Variants in PCDH1 observed in about 807,000 individuals in gnomAD.
PCDH1 encodes protocadherin-1.
In PCDH1, 23 loss-of-function variants were observed where a neutral mutation model predicts 74.6. That is an observed-to-expected ratio of 0.31 (90% CI 0.22 to 0.44). PCDH1 has a LOEUF of 0.44. Ranked by LOEUF, PCDH1 falls within the 20% of genes least tolerant of loss-of-function variation. The pLI, the probability that PCDH1 is intolerant of heterozygous loss-of-function variation, is 1.00. For synonymous variants in PCDH1, 647 were observed against 686.1 expected (o/e 0.94, Z 0.89); for missense variants, 1,214 against 1,641.4 (o/e 0.74, Z 4.50).
chr5:141,863,371 G>A lies in PCDH1; in HGVS notation c.2960C>T (p.Ala987Val). The change falls in exon 3 of 5, where the codon GCC becomes GTC. Residue 987 changes from alanine (A) to valine (V), a missense_variant. This residue lies in a region of PCDH1 where 836 missense variants were observed against 1,182.2 expected (regional missense o/e 0.71). Coordinates refer to ENST00000287008, the MANE Select transcript of PCDH1 (RefSeq NM_032420.5). This position sits in a 1 kb window ranked among gnomAD's most constrained non-coding sequence, Gnocchi z 7.5. ...CTGTACCACCTGGTGCTTCTTGGAG[G>A]CTGAGGGTGACTGGGGCTGCAGCTG... is the stretch of plus-strand genomic sequence containing the variant. Reference protein sequence around the residue: ...SIQLQPQSPSASKKHQVVQDL... With the variant: ...SIQLQPQSPSVSKKHQVVQDL... 6.4e-7 allele frequency: 1 copy of A among 1,550,840 alleles called. No individual in the cohort carries two copies. The highest frequency in any genetic ancestry group is 1.2e-5 in the South Asian group (1 of 80,226).
intron 1 of PCDH1, among the ~76,000 whole-genome samples, chr5:141,877,958 C>G (rs896545323): frequency 6.6e-6 from 1 of 152,214 alleles, no homozygotes; most frequent in East Asian, 1.9e-4. Context: ...TCCGAGCGCG[C>G]CCAGGTTTGG....
At chr5:141,858,318 C>T (rs530768072) in intron 3 of PCDH1, among the ~76,000 whole-genome samples, 1 of 152,306 alleles carries the variant, frequency 6.6e-6, no homozygotes, top group African/African-American at 2.4e-5. Flanking sequence ...ACTCCCCAGT[C>T]CTCCCGATCA....
Position 141,868,716 on chromosome 5 carries a change from C to A in PCDH1, c.756G>T (p.Val252=). 6.2e-7 allele frequency: 1 copy of A among 1,614,112 alleles called. No homozygotes were observed. The highest frequency in any genetic ancestry group is 1.1e-5 in the South Asian group (1 of 91,084). Residue 252 remains valine, a synonymous_variant, in exon 2 of 5, where the codon GTG becomes GTT. Transcript: ENST00000287008. The surrounding 1 kb of genome is among the most constrained non-coding windows in gnomAD (Gnocchi z 4.8). The part of the protein sequence containing the change: ...RWDSYDLTIK[V]QDGGSPPRAS... The stretch of plus-strand genomic sequence containing the variant: ...CGCGTGGGGGGCTGCCGCCATCCTG[C>A]ACCTTGATGGTGAGGTCATAGGAGT...
chr5:141,861,115 CAAAAAAAAA>C (rs59007688), intron 3 of PCDH1, among the ~76,000 whole-genome samples: 2 of 61,924 alleles, frequency 3.2e-5, no homozygotes, highest in African/African-American at 7.0e-5. Context: ...AACTCCATCT[CAAAAAAAAA>C]AAAAAAAAAA....
chr5:141,863,234 G>A lies in PCDH1; in HGVS notation c.3097C>T (p.Gln1033Ter). 6.3e-7 allele frequency: 1 copy of A among 1,585,978 alleles called. No homozygotes were observed. Among genetic ancestry groups the A allele is most frequent in the Non-Finnish European group, 8.6e-7 (1 of 1,166,128 alleles). Residue 1033 changes from glutamine to a stop codon, truncating the protein, a stop_gained and splice_region_variant, in exon 3 of 5, where the codon CAG becomes TAG. Transcript: ENST00000287008. LOFTEE classifies it high-confidence loss of function. The surrounding 1 kb of genome is among the most constrained non-coding windows in gnomAD (Gnocchi z 7.5). ...CTGAGCTGAAAGGGCTGGCCTACCT[G>A]CTTGCTGGGGTATTTGGGGGGGTTG... ...RTNPPKYPSK[Q>*]LPHRRVTFSA...
chr5:141,878,119 C>T lies in PCDH1; in HGVS notation c.40+104G>A, dbSNP rs1379588867. 2 of 1,100,198 alleles carry T rather than the reference C, an allele frequency of 1.8e-6. No homozygotes were observed. Among genetic ancestry groups the T allele is most frequent in the African/African-American group, 3.3e-5 (2 of 59,854 alleles). The allele number at this position is 1,100,198 out of a possible 1,614,324, so 68.2% of individuals were successfully genotyped here. A position where few individuals can be genotyped will look rare whatever the true frequency, so the allele number is the denominator to read the frequency against. On this transcript the variant is annotated intron_variant, in intron 1 of 4. Transcript: ENST00000287008. This position sits in a 1 kb window ranked among gnomAD's most constrained non-coding sequence, Gnocchi z 5.5. ...CCCCTCGCGCCGAGCTCGTGTTGGGCCCCCGCGGCCTCGCTCCGCCGAGCG... is the reference window on the plus strand; with the variant it reads ...CCCCTCGCGCCGAGCTCGTGTTGGGTCCCCGCGGCCTCGCTCCGCCGAGCG...
chr5:141,868,509 G>A lies in PCDH1; in HGVS notation c.903+60C>T. 1 of 1,511,466 alleles carries A rather than the reference G, an allele frequency of 6.6e-7. No individual in the cohort carries two copies. Among genetic ancestry groups the A allele is most frequent in the Non-Finnish European group, 8.8e-7 (1 of 1,131,992 alleles). 93.6% of individuals were successfully genotyped at this position (1,511,466 alleles called of 1,614,324 possible). ...AGTGAAGGGAACTCTCACCTGGTTGGGTGGGCTCCCATTTCTAGTGGTGGG... is the reference window on the plus strand; with the variant it reads ...AGTGAAGGGAACTCTCACCTGGTTGAGTGGGCTCCCATTTCTAGTGGTGGG... On this transcript the variant is annotated intron_variant, in intron 2 of 4. Transcript: ENST00000287008. The surrounding 1 kb of genome is among the most constrained non-coding windows in gnomAD (Gnocchi z 4.8).
chr5:141,853,736 G>A lies in PCDH1; in HGVS notation c.*306C>T, dbSNP rs949355149. 6.6e-6 allele frequency: 2 copies of A among 303,388 alleles called. No homozygotes were observed. Among genetic ancestry groups the A allele is most frequent in the Non-Finnish European group, 1.2e-5 (2 of 164,116 alleles). 18.8% of individuals were successfully genotyped at this position (303,388 alleles called of 1,614,324 possible). A position where few individuals can be genotyped will look rare whatever the true frequency, so the allele number is the denominator to read the frequency against. ...CTTGACTCCACCATCTGCCCAAATC[G>A]AGGGGGTGCTCCCTGGAAGTCAAGG... On this transcript the variant is annotated 3_prime_UTR_variant, in exon 5 of 5. Transcript: ENST00000287008.
At position 141,869,628 on chromosome 5, in the gene PCDH1, G is replaced by T; in HGVS notation, c.41-197C>A. ...ATCCACAGCTGGGTGTAGCAGCAGTGTCTGCCCCAGCTGGAGGAGCCAGTA... is the reference window on the plus strand; with the variant it reads ...ATCCACAGCTGGGTGTAGCAGCAGTTTCTGCCCCAGCTGGAGGAGCCAGTA... On this transcript the variant is annotated intron_variant, in intron 1 of 4. Coordinates refer to ENST00000287008, the MANE Select transcript of PCDH1 (RefSeq NM_032420.5). This position sits in a 1 kb window ranked among gnomAD's most constrained non-coding sequence, Gnocchi z 4.9. 6.5e-7 allele frequency: 1 copy of T among 1,534,314 alleles called. No individual in the cohort carries two copies. Among genetic ancestry groups the T allele is most frequent in the Non-Finnish European group, 8.7e-7 (1 of 1,146,478 alleles).
Position 141,865,307 on chromosome 5 carries a change from G to T in PCDH1, c.1024C>A (p.Gln342Lys). ...LDRNTGLITV[Q>K]GPVDREDLST... Reference sequence around the variant, plus strand: ...AGGTCCTCACGGTCCACCGGGCCCTGAACAGTGATAAGTCCAGTGTTCCTG... The same window carrying T: ...AGGTCCTCACGGTCCACCGGGCCCTTAACAGTGATAAGTCCAGTGTTCCTG... The change falls in exon 3 of 5, where the codon CAG becomes AAG. Residue 342 changes from glutamine to lysine, a missense_variant. By Grantham distance (53) the Gln-to-Lys change is moderately conservative. Transcript: ENST00000287008. This position sits in a 1 kb window ranked among gnomAD's most constrained non-coding sequence, Gnocchi z 4.4. The T allele has an allele frequency of 6.2e-7, 1 of 1,614,168 alleles. No individual in the cohort carries two copies. The highest frequency in any genetic ancestry group is 8.5e-7 in the Non-Finnish European group (1 of 1,180,042).
intron 2 of PCDH1, chr5:141,866,267 C>T: frequency 1.0e-6 from 1 of 982,862 alleles, no homozygotes; most frequent in Non-Finnish European, 1.2e-6. Flanking sequence ...CCTGAGCCTG[C>T]AGCCAGGAGG....
chr5:141,878,118 G>A lies in PCDH1; in HGVS notation c.40+105C>T, dbSNP rs1753287280. On this transcript the variant is annotated intron_variant, in intron 1 of 4. Coordinates refer to ENST00000287008, the MANE Select transcript of PCDH1 (RefSeq NM_032420.5). The surrounding 1 kb of genome is among the most constrained non-coding windows in gnomAD (Gnocchi z 5.5). ...CCCCCTCGCGCCGAGCTCGTGTTGG[G>A]CCCCCGCGGCCTCGCTCCGCCGAGC... 1.8e-6 allele frequency: 2 copies of A among 1,088,610 alleles called. No individual in the cohort carries two copies. Among genetic ancestry groups the A allele is most frequent in the South Asian group, 3.9e-5 (2 of 51,812 alleles). The allele number at this position is 1,088,610 out of a possible 1,614,324, so 67.4% of individuals were successfully genotyped here. A position where few individuals can be genotyped will look rare whatever the true frequency, so the allele number is the denominator to read the frequency against.
At position 141,864,977 on chromosome 5, in the gene PCDH1, T is replaced by G. The variant is rs1752754679; in HGVS notation, c.1354A>C (p.Ser452Arg). The change falls in exon 3 of 5, where the codon AGC becomes CGC. Residue 452 changes from serine to arginine, a missense_variant. Physicochemically the swap from Ser to Arg is moderately radical, Grantham distance 110. Coordinates refer to ENST00000287008, the MANE Select transcript of PCDH1 (RefSeq NM_032420.5). This position sits in a 1 kb window ranked among gnomAD's most constrained non-coding sequence, Gnocchi z 5.9. ...GTCTGCAGGAAATACTTCTTCTTGC[T>G]GTCACTGCCTGTCTCACTGGCCTGG... ...LRQASETGSD[S>R]KKKYFLQTTT... 2 of 1,614,138 alleles carry G rather than the reference T, an allele frequency of 1.2e-6. No individual in the cohort carries two copies. The highest frequency in any genetic ancestry group is 8.5e-7 in the Non-Finnish European group (1 of 1,180,030).
In PCDH1 at chr5:141,864,451, G is replaced by C. The variant is rs1421371597; in HGVS notation, c.1880C>G (p.Ala627Gly). ...YNFSVMENMP[A>G]LSPVGMVTVI... The stretch of plus-strand genomic sequence containing the variant: ...AGTCACCATGCCCACTGGACTCAGT[G>C]CTGGCATGTTCTCCATCACTGAGAA... Residue 627 changes from alanine to glycine, a missense_variant, in exon 3 of 5, where the codon GCA (alanine) becomes GGA (glycine). Ala to Gly is a moderately conservative substitution (Grantham distance 60). Coordinates refer to ENST00000287008, the MANE Select transcript of PCDH1 (RefSeq NM_032420.5). This position sits in a 1 kb window ranked among gnomAD's most constrained non-coding sequence, Gnocchi z 5.9. The C allele has an allele frequency of 3.1e-6, 5 of 1,614,134 alleles. No individual in the cohort carries two copies. The highest frequency in any genetic ancestry group is 4.2e-6 in the Non-Finnish European group (5 of 1,180,028).
At chr5:141,859,784 A>G (rs1189291718) in intron 3 of PCDH1, among the ~76,000 whole-genome samples, 1 of 152,166 alleles carries the variant, frequency 6.6e-6, no homozygotes, top group Non-Finnish European at 1.5e-5. Context: ...CTGTACCTTC[A>G]TCTCTATGCC....
At chr5:141,874,945 C>G (rs947982646) in intron 1 of PCDH1, among the ~76,000 whole-genome samples, 1 of 152,090 alleles carries the variant, frequency 6.6e-6, no homozygotes, top group African/African-American at 2.4e-5. Context: ...CTCCCACAAC[C>G]CTCTATTAGC....
intron 1 of PCDH1, among the ~76,000 whole-genome samples, chr5:141,872,948 C>T (rs570397916): frequency 6.6e-6 from 1 of 152,186 alleles, no homozygotes; most frequent in African/African-American, 2.4e-5. Context: ...AGGGCTTAGG[C>T]CTTTCAAGCA....
rs753095993 is a variant in PCDH1 at position 141,865,596 on chromosome 5, C to T, written c.904-169G>A. The stretch of plus-strand genomic sequence containing the variant: ...ATGTGTGTCCTGCCTTTTCCCAATT[C>T]GGACATTCTGGCAGGCATTACTAAC... On this transcript the variant is annotated intron_variant, in intron 2 of 4. Coordinates refer to ENST00000287008, the MANE Select transcript of PCDH1 (RefSeq NM_032420.5). The surrounding 1 kb of genome is among the most constrained non-coding windows in gnomAD (Gnocchi z 4.4). Among the ~76,000 whole-genome samples the T allele has an allele frequency of 1.1e-4, 17 of 152,198 alleles. No individual in the cohort carries two copies. The highest frequency in any genetic ancestry group is 1.8e-4 in the Non-Finnish European group (12 of 68,036).
At position 141,853,505 on chromosome 5, in the gene PCDH1, C is replaced by T. The variant is rs1752202362; in HGVS notation, c.*537G>A. 1 of 150,004 alleles carries T rather than the reference C, an allele frequency of 6.7e-6. No homozygotes were observed. The highest frequency in any genetic ancestry group is 2.5e-5 in the African/African-American group (1 of 40,608). 9.3% of individuals were successfully genotyped at this position (150,004 alleles called of 1,614,324 possible). On this transcript the variant is annotated 3_prime_UTR_variant, in exon 5 of 5. Transcript: ENST00000287008. ...CAGGAGCAGCACGGGAAAACAAGGC[C>T]TCCGCTCCACTCCCACCCCCGTCCC... is the stretch of plus-strand genomic sequence containing the variant.
Sources: allele counts gnomAD v4.1 joint callset (sites outside exome capture counted in the v4.1 genomes callset), GRCh38; gene constraint gnomAD v4.1.1; regional missense constraint gnomAD v4.1.1; non-coding constraint Gnocchi (gnomAD v3.1); transcripts MANE v1.5; gene names NCBI Gene and HGNC (gene_info 2026-07-23, HGNC 2026-07-21).